APIP: variants seen among roughly 807,000 people sequenced by gnomAD.
APIP encodes the protein APAF1 interacting protein, also known as methylthioribulose-1-phosphate dehydratase.
In APIP, 32 loss-of-function variants were observed where a neutral mutation model predicts 32.0. The observed-to-expected ratio is 1.00, with a 90% CI of 0.76 to 1.34. The LOEUF is 1.34. Among genes scored for constraint, APIP ranks in the 40% most tolerant of loss-of-function variants. The pLI, the probability that APIP is intolerant of heterozygous loss-of-function variation, is 0.00. For missense variants in APIP, 247 were observed against 298.6 expected (o/e 0.83, Z 1.27); for synonymous variants, 92 against 94.8 (o/e 0.97, Z 0.17).
intron 5 of APIP, 138 bp from the exon 6 acceptor site, chr11:34,883,642 T>C (rs1287628215): frequency 5.0e-6 from 4 of 792,086 alleles, no homozygotes; most frequent in Non-Finnish European, 7.9e-6. Flanking sequence ...GAACAGGATG[T>C]TGCGTGTTAT....
intron 5 of APIP, among the ~76,000 whole-genome samples, chr11:34,885,085 T>C (rs1013841653): frequency 1.1e-5 from 1 of 90,200 alleles, no homozygotes. Flanking sequence ...ACAACTATAA[T>C]ATATGTATAC....
At chr11:34,911,816 A>G (rs781474689) in intron 1 of APIP, among the ~76,000 whole-genome samples, 3 of 152,146 alleles carry the variant, frequency 2.0e-5, no homozygotes, top group Non-Finnish European at 4.4e-5. Flanking sequence ...ACTGTATGAA[A>G]TGACCTTCCC....
In APIP at chr11:34,882,669, T is replaced by C. The variant is rs762681787; in HGVS notation, c.*48A>G. 9 of 1,351,042 alleles carry C rather than the reference T, an allele frequency of 6.7e-6. No individual in the cohort carries two copies. The African/African-American group carries it at 7.4e-5, about 11-fold the overall frequency. 83.7% of individuals were successfully genotyped at this position (1,351,042 alleles called of 1,614,324 possible). ...AAAAAAATAGCTTTCATTTAAATAA[T>C]AATTACGTTTAGCTTTATCTCTGTA... On this transcript the variant is annotated 3_prime_UTR_variant, in exon 7 of 7. Coordinates refer to ENST00000395787, the MANE Select transcript of APIP (RefSeq NM_015957.4).
rs78885157 is a variant in APIP at position 34,889,316 on chromosome 11, A to G, written c.208-447T>C. ...ATATAAAGAAATCGACATTCCAAAGATGGGTGTTAAAATTTTTTTCCCCAC... is the reference window on the plus strand; with the variant it reads ...ATATAAAGAAATCGACATTCCAAAGGTGGGTGTTAAAATTTTTTTCCCCAC... On this transcript the variant is annotated intron_variant, in intron 3 of 6. Transcript: ENST00000395787. Among the ~76,000 whole-genome samples, 74 of 152,170 alleles carry G rather than the reference A, an allele frequency of 4.9e-4. 4 individuals are homozygous for G. The East Asian group carries it at 0.014, about 28-fold the overall frequency.
At chr11:34,885,891 A>AC (rs1853061554) in intron 5 of APIP, among the ~76,000 whole-genome samples, 1 of 152,176 alleles carries the variant, frequency 6.6e-6, no homozygotes, top group South Asian at 2.1e-4. Context: ...GGGTCACAGC[A>AC]CAACATATTA....
chr11:34,903,544 C>T (rs2133918498), intron 1 of APIP, among the ~76,000 whole-genome samples: 1 of 152,336 alleles, frequency 6.6e-6, no homozygotes, highest in East Asian at 1.9e-4. Flanking sequence ...TGTAAAATAT[C>T]ACCAGGAAAT....
intron 1 of APIP, 171 bp downstream of exon 1, chr11:34,916,057 C>G (rs1256730871): frequency 9.2e-6 from 8 of 866,028 alleles, no homozygotes; most frequent in Non-Finnish European, 1.4e-5. Flanking sequence ...GCCTCGCAGC[C>G]TTGCTTCCGA....
At chr11:34,887,594 A>C (rs539945959) in intron 5 of APIP, among the ~76,000 whole-genome samples, 2 of 152,334 alleles carry the variant, frequency 1.3e-5, no homozygotes, top group Non-Finnish European at 2.9e-5. Flanking sequence ...GTTTTCCTCT[A>C]AACAAGGCAA....
intron 1 of APIP, among the ~76,000 whole-genome samples, chr11:34,905,895 T>C (rs12278245): frequency 0.19 from 28,807 of 152,212 alleles, 3,900 homozygotes; most frequent in African/African-American, 0.39. Flanking sequence ...TGGAGGCATC[T>C]GGACTGACAG....
rs758693056 is a variant in APIP, at chr11:34,882,734, C to G, written c.712G>C (p.Glu238Gln). 6.3e-7 allele frequency: 1 copy of G among 1,596,188 alleles called. No homozygotes were observed. Among genetic ancestry groups the G allele is most frequent in the South Asian group, 1.1e-5 (1 of 89,750 alleles). ...GLDPSQLPVGENGIV is the reference protein window; with the variant it reads ...GLDPSQLPVGQNGIV ...CTTTTGGCTTAGACAATTCCATTTTCTCCAACTGGGAGCTGTGAAGGATCA... is the reference window on the plus strand; with the variant it reads ...CTTTTGGCTTAGACAATTCCATTTTGTCCAACTGGGAGCTGTGAAGGATCA... Residue 238 changes from glutamate (E) to glutamine (Q), a missense_variant, in exon 7 of 7, where the codon GAA becomes CAA. Transcript: ENST00000395787.
intron 1 of APIP, chr11:34,896,847 T>A (rs1389599392): frequency 7.8e-7 from 1 of 1,276,192 alleles, no homozygotes; most frequent in Non-Finnish European, 1.0e-6. Context: ...TTGATAGCCA[T>A]GTAAGCCACT....
intron 1 of APIP, among the ~76,000 whole-genome samples, chr11:34,898,624 T>C (rs868101515): frequency 6.6e-6 from 1 of 152,014 alleles, no homozygotes; most frequent in Non-Finnish European, 1.5e-5. Flanking sequence ...AGCTCAGGAA[T>C]GCTGTTGCAA....
intron 2 of APIP, among the ~76,000 whole-genome samples, chr11:34,892,720 G>C (rs1853202524): frequency 6.6e-6 from 1 of 152,066 alleles, no homozygotes; most frequent in South Asian, 2.1e-4. Flanking sequence ...AGCTGGAATG[G>C]TCCAGTCAAA....
chr11:34,899,531 C>T (rs1853341601), intron 1 of APIP, among the ~76,000 whole-genome samples: 1 of 152,176 alleles, frequency 6.6e-6, no homozygotes. Flanking sequence ...TTAGCATGGG[C>T]CATAATAGCA....
chr11:34,916,151 G>GCCA, intron 1 of APIP, 77 bp downstream of exon 1: 1 of 1,545,576 alleles, frequency 6.5e-7, no homozygotes. Flanking sequence ...CCGCTACCCT[G>GCCA]CGCCCAGCTC....
In APIP at chr11:34,916,367, C is replaced by T. The variant is rs1371330207; in HGVS notation, c.-83G>A. ...TTAGCCTGGGATACGGCAGCGAGGC[C>T]GCAAATGCAATCAGGCGGCGCTGAG... On this transcript the variant is annotated 5_prime_UTR_variant, in exon 1 of 7. Coordinates refer to ENST00000395787, the MANE Select transcript of APIP (RefSeq NM_015957.4). 8 of 1,570,216 alleles carry T rather than the reference C, an allele frequency of 5.1e-6. No individual in the cohort carries two copies. The highest frequency in any genetic ancestry group is 1.9e-5 in the Admixed American group (1 of 53,900).
intron 1 of APIP, among the ~76,000 whole-genome samples, chr11:34,907,341 G>A (rs1041899838): frequency 6.6e-6 from 1 of 152,128 alleles, no homozygotes; most frequent in Non-Finnish European, 1.5e-5. Flanking sequence ...AATTTGCACA[G>A]CAAATAGCAC....
chr11:34,882,652 A>T lies in APIP; in HGVS notation c.*65T>A, dbSNP rs1221428890. On this transcript the variant is annotated 3_prime_UTR_variant, in exon 7 of 7. Coordinates refer to ENST00000395787, the MANE Select transcript of APIP (RefSeq NM_015957.4). Reference sequence around the variant, plus strand: ...AAAATTTCAATTCATTTAAAAAAATAGCTTTCATTTAAATAATAATTACGT... The same window carrying T: ...AAAATTTCAATTCATTTAAAAAAATTGCTTTCATTTAAATAATAATTACGT... 8.1e-7 allele frequency: 1 copy of T among 1,238,784 alleles called. No individual in the cohort carries two copies. The highest frequency in any genetic ancestry group is 1.5e-5 in the South Asian group (1 of 68,916). The allele number at this position is 1,238,784 out of a possible 1,614,324, so 76.7% of individuals were successfully genotyped here.
At chr11:34,892,458 T>C (rs550488006) in intron 2 of APIP, among the ~76,000 whole-genome samples, 29 of 152,220 alleles carry the variant, frequency 1.9e-4, no homozygotes, top group Non-Finnish European at 4.1e-4. Flanking sequence ...TTAAATCTTA[T>C]AGTGCCTCAA....
Sources: allele counts gnomAD v4.1 joint callset (sites outside exome capture counted in the v4.1 genomes callset), GRCh38; gene constraint gnomAD v4.1.1; transcripts MANE v1.5; gene names NCBI Gene and HGNC (gene_info 2026-07-23, HGNC 2026-07-21).